Variants in CCDC33 observed in about 807,000 individuals in gnomAD.
The protein encoded by CCDC33 is coiled-coil domain-containing protein 33.
Under a neutral mutation model 91.9 loss-of-function variants are expected in CCDC33, and 94 were observed. The observed-to-expected ratio is 1.02, with a 90% CI of 0.87 to 1.21. The LOEUF (loss-of-function observed/expected upper bound fraction) is 1.21, where lower values mean the gene tolerates loss of function less well. Ranked by LOEUF, CCDC33 falls within the 50% of genes most tolerant of loss-of-function variation. The pLI, the probability that CCDC33 is intolerant of heterozygous loss-of-function variation, is 0.00. For missense variants in CCDC33, 940 were observed against 935.5 expected (o/e 1.00, Z -0.06); for synonymous variants, 396 against 374.5 (o/e 1.06, Z -0.66).
intron 5 of CCDC33, among the ~76,000 whole-genome samples, chr15:74,271,336 C>A (rs536818074): frequency 1.3e-4 from 20 of 152,288 alleles, no homozygotes; most frequent in Admixed American, 9.1e-4. Context: ...AGCCCTACCC[C>A]TAGCCCAACC....
intron 2 of CCDC33, among the ~76,000 whole-genome samples, chr15:74,259,415 C>A (rs1425854235): frequency 6.6e-6 from 1 of 152,042 alleles, no homozygotes; most frequent in Non-Finnish European, 1.5e-5. Flanking sequence ...GAATCAGAGG[C>A]CCTTCTTGCT....
At position 74,316,027 on chromosome 15, in the gene CCDC33, C is replaced by T. The variant is rs546884783; in HGVS notation, c.1291-14162C>T. Among the ~76,000 whole-genome samples, 5 of 152,190 alleles carry T rather than the reference C, an allele frequency of 3.3e-5. No individual in the cohort carries two copies. The highest frequency in any genetic ancestry group is 1.2e-4 in the African/African-American group (5 of 41,542). ...CCTGAAGGAGGACATCCCTTAGCTC[C>T]ACAAAGAGCCCTGCCCTAGTCTTCA... On this transcript the variant is annotated intron_variant, in intron 11 of 18. Transcript: ENST00000398814. This position sits in a 1 kb window ranked among gnomAD's most constrained non-coding sequence, Gnocchi z 4.7.
chr15:74,209,161 A>T (rs2074328841), intron 1 of CCDC33: 1 of 1,303,316 alleles, frequency 7.7e-7, no homozygotes, highest in African/African-American at 1.5e-5. Context: ...TCAGGCACAG[A>T]GCAGGGGCTG....
At position 74,219,771 on chromosome 15, in the gene CCDC33, C is replaced by T. The variant is rs141867805; in HGVS notation, c.675+910C>T. Among the ~76,000 whole-genome samples, 546 of 152,294 alleles carry T rather than the reference C, an allele frequency of 3.6e-3. 2 individuals carry two copies. Among genetic ancestry groups the T allele is most frequent in the African/African-American group, 0.013 (525 of 41,568 alleles). On this transcript the variant is annotated intron_variant, in intron 2 of 2. Transcript: ENST00000635913. The stretch of plus-strand genomic sequence containing the variant: ...GTTAAATGCTAACTCCGCCGACTGC[C>T]TGCCAAGTGGGTAAGACTTAGGGAT...
intron 11 of CCDC33, chr15:74,303,946 G>C (rs1370569005): frequency 6.6e-6 from 1 of 152,274 alleles, no homozygotes; most frequent in East Asian, 1.9e-4. Context: ...ATCACACACA[G>C]TGCTTACCAA....
chr15:74,225,117 C>CGTGTGTGTGTGTGTGTGTGT (rs3057568), intron 2 of CCDC33, among the ~76,000 whole-genome samples: 46 of 139,942 alleles, frequency 3.3e-4, no homozygotes, highest in African/African-American at 1.2e-3. Flanking sequence ...CTCCTGGAGG[C>CGTGTGTGTGTGTGTGTGTGT]GTGTGTGTGT....
At chr15:74,208,071 G>A (rs1293661018) in intron 1 of CCDC33, 2 of 1,250,568 alleles carry the variant, frequency 1.6e-6, no homozygotes, top group African/African-American at 1.5e-5. Flanking sequence ...TTTAGACCAG[G>A]CTGTTCTGGT....
intron 11 of CCDC33, among the ~76,000 whole-genome samples, chr15:74,308,981 T>TG (rs914130644): frequency 4.6e-5 from 7 of 151,578 alleles, no homozygotes; most frequent in South Asian, 2.1e-4. Context: ...TGTATGTGGG[T>TG]GGGGGGGCTC....
At chr15:74,331,367 GC>G in intron 15 of CCDC33, 71 bp downstream of exon 15, 1 of 1,505,738 alleles carries the variant, frequency 6.6e-7, no homozygotes, top group Non-Finnish European at 9.1e-7. Context: ...CCTTCCTGGA[GC>G]CTCTCAGCTT....
chr15:74,262,245 G>A (rs186092564), intron 2 of CCDC33, among the ~76,000 whole-genome samples, 195 bp from the exon 3 acceptor site: 6 of 152,278 alleles, frequency 3.9e-5, no homozygotes, highest in Admixed American at 2.0e-4. Context: ...AGTGGCCAGC[G>A]AGACAGTGTG....
At chr15:74,332,485 C>T (rs746901437) in intron 15 of CCDC33, among the ~76,000 whole-genome samples, 194 bp from the exon 16 acceptor site, 1 of 152,102 alleles carries the variant, frequency 6.6e-6, no homozygotes, top group Admixed American at 6.5e-5. Flanking sequence ...TTAGAGAGAA[C>T]GTTGAGGTCA....
chr15:74,282,311 A>T (rs1325610239), intron 10 of CCDC33, among the ~76,000 whole-genome samples: 1 of 152,134 alleles, frequency 6.6e-6, no homozygotes, highest in Non-Finnish European at 1.5e-5. Flanking sequence ...AAATTCATTC[A>T]GGTGGCTGCC....
intron 11 of CCDC33, among the ~76,000 whole-genome samples, chr15:74,315,129 A>T (rs1297717285): frequency 6.6e-6 from 1 of 152,166 alleles, no homozygotes; most frequent in Non-Finnish European, 1.5e-5. Flanking sequence ...AGGAGATGGG[A>T]TGTGGGCTCA....
rs191911564 is a variant in CCDC33, at chr15:74,321,314, G to C, written c.1291-8875G>C. Among the ~76,000 whole-genome samples, 196 of 151,890 alleles carry C rather than the reference G, an allele frequency of 1.3e-3. 1 individual carries two copies. The highest frequency in any genetic ancestry group is 4.6e-3 in the African/African-American group (189 of 41,368). On this transcript the variant is annotated intron_variant, in intron 11 of 18. Transcript: ENST00000398814. ...TGCCCAGGCTGGAGTTCAGAGGCAC[G>C]ATCTCAGCTCAGTGCAACCTCCGCC...
At chr15:74,333,808 C>A in intron 16 of CCDC33, 73 bp from the exon 17 acceptor site, 1 of 1,287,076 alleles carries the variant, frequency 7.8e-7, no homozygotes, top group South Asian at 1.3e-5. Context: ...TCCTCAATAC[C>A]TTATGGTTTC....
intron 1 of CCDC33, among the ~76,000 whole-genome samples, chr15:74,204,776 A>G (rs775439978): frequency 2.0e-5 from 3 of 152,164 alleles, no homozygotes; most frequent in Admixed American, 6.5e-5. Flanking sequence ...TCTACTAAAA[A>G]TACAAAAAAT....
chr15:74,237,490 C>G (rs961504560), intron 1 of CCDC33, among the ~76,000 whole-genome samples: 2 of 152,230 alleles, frequency 1.3e-5, no homozygotes, highest in African/African-American at 4.8e-5. Flanking sequence ...GGGATACCCT[C>G]TTTGTAGTTA....
At chr15:74,227,013 T>G (rs1252451111) in intron 2 of CCDC33, among the ~76,000 whole-genome samples, 1 of 152,126 alleles carries the variant, frequency 6.6e-6, no homozygotes, top group African/African-American at 2.4e-5. Flanking sequence ...AGCTCTGTAC[T>G]ATCCCCTCTG....
rs557101340 is a variant in CCDC33 at position 74,309,996 on chromosome 15, A to T, written c.1290+14048A>T. On this transcript the variant is annotated intron_variant, in intron 11 of 18. Transcript: ENST00000398814. ...GATGCCGTCTCCACAAAATTTTTTT[A>T]AAAAATTAACCAAGCATGGTGACAC... Among the ~76,000 whole-genome samples, 910 of 152,146 alleles carry T rather than the reference A, an allele frequency of 6.0e-3. 3 individuals are homozygous for T. The highest frequency in any genetic ancestry group is 0.02 in the Middle Eastern group (6 of 294).
Sources: allele counts gnomAD v4.1 joint callset (sites outside exome capture counted in the v4.1 genomes callset), GRCh38; gene constraint gnomAD v4.1.1; non-coding constraint Gnocchi (gnomAD v3.1); transcripts MANE v1.5; gene names NCBI Gene and HGNC (gene_info 2026-07-23, HGNC 2026-07-21).